FHOD3: variants seen among roughly 807,000 people sequenced by gnomAD.
FHOD3 encodes FH1/FH2 domain-containing protein 3.
FHOD3 carries 90 observed loss-of-function variants against 173.0 expected under a neutral mutation model. The observed-to-expected ratio is 0.52, with a 90% CI of 0.44 to 0.62. FHOD3 has a LOEUF of 0.62. Ranked by LOEUF, FHOD3 falls within the 20% of genes least tolerant of loss-of-function variation. FHOD3 has a pLI of 0.00. For synonymous variants in FHOD3, 828 were observed against 823.0 expected, an observed-to-expected ratio of 1.01 and a Z score of -0.10; for missense variants, 1,945 against 2,034.7, an observed-to-expected ratio of 0.96 and a Z score of 0.85.
At chr18:36,379,386 A>C (rs928277802) in intron 3 of FHOD3, among the ~76,000 whole-genome samples, 1 of 152,150 alleles carries the variant, frequency 6.6e-6, no homozygotes, top group African/African-American at 2.4e-5. Flanking sequence ...ATTTTACTTT[A>C]ATTAAATTAT....
intron 18 of FHOD3, chr18:36,710,258 G>A (rs1251131464): frequency 6.6e-6 from 1 of 152,202 alleles, no homozygotes; most frequent in Non-Finnish European, 1.5e-5. Context: ...TATCAAGGTG[G>A]TAGAATGCCT....
At chr18:36,708,055 G>C (rs1171004025) in intron 17 of FHOD3, among the ~76,000 whole-genome samples, 4 of 152,070 alleles carry the variant, frequency 2.6e-5, no homozygotes, top group Non-Finnish European at 1.5e-5. Context: ...ATAGCTGAGG[G>C]TTTTGCTCAG....
At chr18:36,410,518 G>A (rs2049301699) in intron 3 of FHOD3, among the ~76,000 whole-genome samples, 1 of 151,916 alleles carries the variant, frequency 6.6e-6, no homozygotes, top group Admixed American at 6.5e-5. Flanking sequence ...CCTAGAATGG[G>A]ATGGTTAGAT....
intron 18 of FHOD3, among the ~76,000 whole-genome samples, chr18:36,712,209 T>C (rs1269640604): frequency 6.6e-6 from 1 of 152,198 alleles, no homozygotes; most frequent in Non-Finnish European, 1.5e-5. Context: ...CAAGACATAA[T>C]GGAAAAATCA....
chr18:36,303,357 G>A (rs537004343), intron 1 of FHOD3, among the ~76,000 whole-genome samples: 1 of 152,094 alleles, frequency 6.6e-6, no homozygotes, highest in African/African-American at 2.4e-5. Flanking sequence ...GTGCAGATGG[G>A]GGTGGGGTAG....
intron 3 of FHOD3, among the ~76,000 whole-genome samples, chr18:36,385,730 G>A (rs982331678): frequency 2.0e-5 from 3 of 152,176 alleles, no homozygotes; most frequent in Non-Finnish European, 4.4e-5. Context: ...ATACATTTTA[G>A]AATGTTGCAG....
intron 20 of FHOD3, among the ~76,000 whole-genome samples, chr18:36,735,134 C>G (rs1213287848): frequency 6.6e-6 from 1 of 152,052 alleles, no homozygotes; most frequent in African/African-American, 2.4e-5. Context: ...TGTGTCTACT[C>G]AGAGGGTAGC....
chr18:36,697,781 G>A (rs1352427210), intron 17 of FHOD3, among the ~76,000 whole-genome samples: 1 of 152,166 alleles, frequency 6.6e-6, no homozygotes, highest in Non-Finnish European at 1.5e-5. Context: ...CTCAAACCTG[G>A]AAATAAAATT....
chr18:36,746,967 A>C lies in FHOD3; in HGVS notation c.4064A>C (p.Asp1355Ala), dbSNP rs759991830. ...SAKVDFDQLQ[D>A]NLCQMERRCK... is the part of the protein sequence containing the mutation. Reference sequence around the variant, plus strand: ...CAGGTTGACTTTGATCAACTTCAGGATAATTTATGTCAGATGGAGAGAAGA... The same window carrying C: ...CAGGTTGACTTTGATCAACTTCAGGCTAATTTATGTCAGATGGAGAGAAGA... Residue 1355 changes from aspartate (D) to alanine (A), a missense_variant, in exon 24 of 29, where the codon GAT (aspartate) becomes GCT (alanine). Asp to Ala is a moderately radical substitution (Grantham distance 126, BLOSUM62 -2). Transcript: ENST00000590592. 5.6e-6 allele frequency: 9 copies of C among 1,610,630 alleles called. No homozygotes were observed. The highest frequency in any genetic ancestry group is 3.3e-4 in the Middle Eastern group (2 of 6,064).
At chr18:36,715,101 A>C (rs2040375285) in intron 18 of FHOD3, among the ~76,000 whole-genome samples, 1 of 152,206 alleles carries the variant, frequency 6.6e-6, no homozygotes, top group Non-Finnish European at 1.5e-5. Context: ...TGAAGCACTC[A>C]CTACCTGGCT....
At chr18:36,744,788 A>G (rs1040299522) in intron 23 of FHOD3, among the ~76,000 whole-genome samples, 1 of 152,268 alleles carries the variant, frequency 6.6e-6, no homozygotes, top group African/African-American at 2.4e-5. Flanking sequence ...AGACAGTCAC[A>G]GTATGTGGAC....
At chr18:36,353,961 G>A (rs945108769) in intron 1 of FHOD3, among the ~76,000 whole-genome samples, 1 of 143,730 alleles carries the variant, frequency 7.0e-6, no homozygotes, top group Non-Finnish European at 1.5e-5. Context: ...TCTGGCCATA[G>A]GCAAGAAAAG....
intron 3 of FHOD3, among the ~76,000 whole-genome samples, chr18:36,374,347 C>A (rs1306769705): frequency 6.6e-6 from 1 of 152,216 alleles, no homozygotes; most frequent in East Asian, 1.9e-4. Context: ...ATGCTCCCTG[C>A]TCTTGGGGTT....
intron 4 of FHOD3, among the ~76,000 whole-genome samples, chr18:36,509,259 G>T (rs970275560): frequency 6.6e-6 from 1 of 152,102 alleles, no homozygotes; most frequent in African/African-American, 2.4e-5. Flanking sequence ...GTGAAAAACA[G>T]TATTTATGCA....
chr18:36,308,068 T>C (rs1201730508), intron 1 of FHOD3, among the ~76,000 whole-genome samples: 1 of 152,248 alleles, frequency 6.6e-6, no homozygotes, highest in Non-Finnish European at 1.5e-5. Flanking sequence ...AAGTGCTCTT[T>C]CTTCTTGAAT....
At chr18:36,353,223 TG>T (rs1287761678) in intron 1 of FHOD3, among the ~76,000 whole-genome samples, 1 of 152,352 alleles carries the variant, frequency 6.6e-6, no homozygotes, top group Non-Finnish European at 1.5e-5. Flanking sequence ...TTATGAGGTA[TG>T]GTCTGCTATT....
chr18:36,643,733 G>A (rs1427732404), intron 10 of FHOD3, among the ~76,000 whole-genome samples: 1 of 151,982 alleles, frequency 6.6e-6, no homozygotes, highest in Non-Finnish European at 1.5e-5. Flanking sequence ...CAGTTTGTTG[G>A]CTGTGTTCAT....
intron 1 of FHOD3, among the ~76,000 whole-genome samples, chr18:36,346,227 G>A (rs557442467): frequency 2.6e-5 from 4 of 152,228 alleles, no homozygotes; most frequent in Non-Finnish European, 4.4e-5. Flanking sequence ...TTAGCCAGAC[G>A]TGGTAACGCA....
chr18:36,523,010 C>T (rs2056346941), intron 5 of FHOD3, among the ~76,000 whole-genome samples: 1 of 152,166 alleles, frequency 6.6e-6, no homozygotes, highest in African/African-American at 2.4e-5. Context: ...TTTCCAAAAC[C>T]ACTCACATGG....
Sources: gnomAD v4.1 joint callset for allele counts (sites outside exome capture counted in the v4.1 genomes callset) on GRCh38, gnomAD v4.1.1 for gene constraint, MANE v1.5 for transcripts, NCBI Gene and HGNC (gene_info 2026-07-23, HGNC 2026-07-21) for gene names.